The following UBE2D2 variants were observed in gnomAD, a reference collection of about 807,000 sequenced individuals.
The protein encoded by UBE2D2 is ubiquitin conjugating enzyme E2 D2, also known as ubiquitin-conjugating enzyme E2 D2.
A neutral mutation model predicts 24.2 loss-of-function variants in UBE2D2; 2 were observed. The observed-to-expected ratio is 0.08, with a 90% CI of 0.03 to 0.26. UBE2D2 has a LOEUF of 0.26. Among genes scored for constraint, UBE2D2 ranks in the 10% least tolerant of loss-of-function variants. UBE2D2 has a pLI of 1.00. For synonymous variants in UBE2D2, 58 were observed against 56.5 expected, an observed-to-expected ratio of 1.03 and a Z score of -0.12; for missense variants, 44 against 177.6, an observed-to-expected ratio of 0.25 and a Z score of 4.28.
chr5:139,595,380 G>GT (rs1380936097), intron 1 of UBE2D2, among the ~76,000 whole-genome samples: 2,143 of 147,802 alleles, frequency 0.014, 50 homozygotes, highest in African/African-American at 0.048. Context: ...CCAAATGACA[G>GT]TTTTTTTTTT....
intron 1 of UBE2D2, among the ~76,000 whole-genome samples, chr5:139,588,248 G>A (rs567465895): frequency 1.2e-4 from 17 of 147,012 alleles, no homozygotes; most frequent in Admixed American, 4.8e-4. Flanking sequence ...CTTGTTTAGC[G>A]TTTTTTTTTT....
intron 1 of UBE2D2, among the ~76,000 whole-genome samples, chr5:139,588,596 A>G (rs1162238936): frequency 6.6e-6 from 1 of 152,184 alleles, no homozygotes. Context: ...AATTTTGCTA[A>G]TATCTTTATA....
At chr5:139,593,955 T>TA (rs766453832) in intron 1 of UBE2D2, among the ~76,000 whole-genome samples, 5 of 152,140 alleles carry the variant, frequency 3.3e-5, no homozygotes, top group Non-Finnish European at 7.3e-5. Context: ...TTTGTTTAAA[T>TA]ATTTTCATAG....
chr5:139,626,681 A>G, intron 6 of UBE2D2, 75 bp from the exon 7 acceptor site: 1 of 1,246,422 alleles, frequency 8.0e-7, no homozygotes, highest in Non-Finnish European at 1.2e-6. Context: ...AAGTTACTTG[A>G]TGGGATAATG....
intron 1 of UBE2D2, among the ~76,000 whole-genome samples, chr5:139,564,888 A>C (rs1753186434): frequency 6.6e-6 from 1 of 152,216 alleles, no homozygotes; most frequent in Admixed American, 6.6e-5. Context: ...TATACCACTC[A>C]AAAAGATTGT....
chr5:139,623,535 G>A (rs1754555666), intron 6 of UBE2D2, 74 bp downstream of exon 6: 2 of 1,282,478 alleles, frequency 1.6e-6, no homozygotes, highest in East Asian at 4.7e-5. Context: ...TCTTGTTTAA[G>A]GGCTGAATAT....
chr5:139,603,368 C>T lies in UBE2D2; in HGVS notation c.88+2933C>T, dbSNP rs148006777. 2.3e-3 allele frequency among the ~76,000 whole-genome samples: 345 copies of T among 152,188 alleles called. 2 individuals are homozygous for T. Among genetic ancestry groups the T allele is most frequent in the African/African-American group, 7.8e-3 (322 of 41,532 alleles). On this transcript the variant is annotated intron_variant, in intron 2 of 6. Coordinates refer to ENST00000398733, the MANE Select transcript of UBE2D2 (RefSeq NM_003339.3). ...GAGTTAAATAAAACTCTCCCACAGC[C>T]GAGTGCGATGGTTCACGTCTGTAAT...
rs529551788 is a variant in UBE2D2 at position 139,534,487 on chromosome 5, A to G, written c.-64+7875A>G. On this transcript the variant is annotated intron_variant, in intron 1 of 6. Transcript: ENST00000511725. ...AGGCTGAGGCAGGAGAATGGCGTGA[A>G]CCCCGGAGTCGGAGCTTGCAGTGAG... is the stretch of plus-strand genomic sequence containing the variant. 2.6e-5 allele frequency among the ~76,000 whole-genome samples: 4 copies of G among 151,314 alleles called. No individual in the cohort carries two copies. In the South Asian group the frequency reaches 6.3e-4, roughly 24 times the overall value.
chr5:139,540,545 C>CAAA lies in UBE2D2; in HGVS notation c.-64+13948_-64+13950dup, dbSNP rs540123430. 9.7e-3 allele frequency among the ~76,000 whole-genome samples: 916 copies of CAAA among 94,458 alleles called. 8 individuals carry two copies. The highest frequency in any genetic ancestry group is 0.038 in the Middle Eastern group (6 of 156). The allele number at this position is 94,458 out of a possible 152,430, so 62.0% of individuals were successfully genotyped here. ...TAGGCGACAGAGCAAGACTCCATCT[C>CAAA]AAAAAAAAAAAAAAAAAGAATAATA... On this transcript the variant is annotated intron_variant, in intron 1 of 6. Transcript: ENST00000511725.
At chr5:139,546,835 TTCCTTCC>T (rs1561498209) in intron 1 of UBE2D2, among the ~76,000 whole-genome samples, 2 of 133,640 alleles carry the variant, frequency 1.5e-5, no homozygotes, top group African/African-American at 5.8e-5. Context: ...CCTTCCTTCC[TTCCTTCC>T]TTCCTTCCTT....
At chr5:139,622,200 A>G (rs79076432) in intron 5 of UBE2D2, among the ~76,000 whole-genome samples, 6,262 of 152,082 alleles carry the variant, frequency 0.041, 180 homozygotes, top group Middle Eastern at 0.058. Flanking sequence ...GTCATTTAAC[A>G]TTAATTTTCT....
intron 3 of UBE2D2, 34 bp downstream of exon 3, chr5:139,614,651 T>C (rs1442893903): frequency 1.2e-6 from 2 of 1,613,738 alleles, no homozygotes; most frequent in African/African-American, 2.7e-5. Context: ...AATAAACAGT[T>C]TATGTAATTT....
chr5:139,622,766 T>C (rs1309525234), intron 5 of UBE2D2, among the ~76,000 whole-genome samples: 1 of 151,032 alleles, frequency 6.6e-6, no homozygotes, highest in Non-Finnish European at 1.5e-5. Context: ...GGCGGGTGCC[T>C]GTAGTCCCAG....
intron 2 of UBE2D2, among the ~76,000 whole-genome samples, chr5:139,603,874 G>A (rs1754135454): frequency 6.6e-6 from 1 of 151,548 alleles, no homozygotes; most frequent in South Asian, 2.1e-4. Context: ...GCTTGAACCC[G>A]GGAGGCAGAG....
At chr5:139,555,862 G>A (rs576806176) in intron 1 of UBE2D2, among the ~76,000 whole-genome samples, 72 of 131,174 alleles carry the variant, frequency 5.5e-4, no homozygotes, top group Admixed American at 5.0e-4. Context: ...GGAGGCAGAG[G>A]TTGCAGTGAG....
chr5:139,584,830 G>A (rs1165748851), intron 1 of UBE2D2, among the ~76,000 whole-genome samples: 1 of 150,852 alleles, frequency 6.6e-6, no homozygotes, highest in East Asian at 2.0e-4. Context: ...ACCGTGCCTA[G>A]CCCAAAACAC....
intron 1 of UBE2D2, among the ~76,000 whole-genome samples, chr5:139,587,718 A>T (rs1236937122): frequency 6.6e-6 from 1 of 151,258 alleles, no homozygotes; most frequent in Non-Finnish European, 1.5e-5. Context: ...TGCGGTTGCA[A>T]GATTTAATAG....
chr5:139,532,839 G>C (rs1001917091), intron 1 of UBE2D2, among the ~76,000 whole-genome samples: 1 of 152,000 alleles, frequency 6.6e-6, no homozygotes, highest in Non-Finnish European at 1.5e-5. Context: ...AGGCACGGTG[G>C]CTCACTCCAG....
At chr5:139,577,490 T>G (rs1753499525) in intron 1 of UBE2D2, among the ~76,000 whole-genome samples, 2 of 147,082 alleles carry the variant, frequency 1.4e-5, no homozygotes, top group South Asian at 4.4e-4. Context: ...CTCGGCTCAC[T>G]GCAATCTCCG....
Sources: gnomAD v4.1 joint callset for allele counts (sites outside exome capture counted in the v4.1 genomes callset) on GRCh38, gnomAD v4.1.1 for gene constraint, MANE v1.5 for transcripts, NCBI Gene and HGNC (gene_info 2026-07-23, HGNC 2026-07-21) for gene names.